Variants in ATRNL1 observed in about 807,000 individuals in gnomAD.
The protein encoded by ATRNL1 is attractin like 1.
A neutral mutation model predicts 182.7 loss-of-function variants in ATRNL1; 95 were observed. The ratio of observed to expected loss-of-function variants is 0.52; its 90% CI spans 0.44 to 0.62. The LOEUF is 0.62. Ranked by LOEUF, ATRNL1 falls within the 20% of genes least tolerant of loss-of-function variation. The pLI, the probability that ATRNL1 is intolerant of heterozygous loss-of-function variation, is 0.00. For missense variants in ATRNL1, 1,471 were observed against 1,679.5 expected, an observed-to-expected ratio of 0.88 and a Z score of 2.17; for synonymous variants, 576 against 568.3, an observed-to-expected ratio of 1.01 and a Z score of -0.19.
intron 26 of ATRNL1, among the ~76,000 whole-genome samples, chr10:115,666,689 TCC>T (rs1861019114): frequency 6.6e-6 from 1 of 152,086 alleles, no homozygotes; most frequent in African/African-American, 2.4e-5. Context: ...AAAATCTAGT[TCC>T]CCAGTCATAC....
At chr10:115,649,788 T>G (rs1219944309) in intron 26 of ATRNL1, among the ~76,000 whole-genome samples, 1 of 152,174 alleles carries the variant, frequency 6.6e-6, no homozygotes, top group Non-Finnish European at 1.5e-5. Flanking sequence ...TGCATTAAGG[T>G]CAAATTTAAA....
intron 26 of ATRNL1, among the ~76,000 whole-genome samples, chr10:115,681,297 A>T (rs1320238661): frequency 1.3e-5 from 2 of 152,184 alleles, no homozygotes; most frequent in African/African-American, 4.8e-5. Context: ...ATACAGAGTA[A>T]GTATTGGACA....
chr10:115,773,941 G>T (rs1555077148), intron 27 of ATRNL1, among the ~76,000 whole-genome samples: 1 of 152,048 alleles, frequency 6.6e-6, no homozygotes, highest in African/African-American at 2.4e-5. Flanking sequence ...GATTTATGAG[G>T]TTACACATTA....
At chr10:115,590,816 C>T (rs1855853821) in intron 26 of ATRNL1, among the ~76,000 whole-genome samples, 2 of 152,128 alleles carry the variant, frequency 1.3e-5, no homozygotes, top group Admixed American at 1.3e-4. Flanking sequence ...ATATAGTAGT[C>T]CCTGAATACT....
chr10:115,105,342 G>C (rs1554865640), intron 1 of ATRNL1, among the ~76,000 whole-genome samples: 3 of 152,180 alleles, frequency 2.0e-5, no homozygotes, highest in African/African-American at 7.2e-5. Context: ...TGACTTGGGT[G>C]CTGTTAAAGG....
Position 115,639,796 on chromosome 10 carries a change from G to GT in ATRNL1, c.3796-87443dup, listed in dbSNP as rs200169974. On this transcript the variant is annotated intron_variant, in intron 26 of 28. Coordinates refer to ENST00000355044, the MANE Select transcript of ATRNL1 (RefSeq NM_207303.4). Reference sequence around the variant, plus strand: ...AGGGATAAAATGATGAAAATGAGGGGTTTTTTTTTCAATTTTTTTGATTAT... The same window carrying GT: ...AGGGATAAAATGATGAAAATGAGGGGTTTTTTTTTTCAATTTTTTTGATTAT... Among the ~76,000 whole-genome samples, 691 of 149,116 alleles carry GT rather than the reference G, an allele frequency of 4.6e-3. 4 individuals are homozygous for GT. The highest frequency in any genetic ancestry group is 0.015 in the African/African-American group (607 of 40,158).
intron 19 of ATRNL1, among the ~76,000 whole-genome samples, chr10:115,351,815 A>C (rs1286207833): frequency 1.3e-5 from 2 of 151,026 alleles, no homozygotes; most frequent in Non-Finnish European, 3.0e-5. Flanking sequence ...TTTTGGTATC[A>C]GGATAATGCT....
chr10:115,840,180 G>A (rs781925039), intron 27 of ATRNL1, among the ~76,000 whole-genome samples: 1 of 152,112 alleles, frequency 6.6e-6, no homozygotes, highest in East Asian at 1.9e-4. Context: ...CAGGCTTTCC[G>A]GGGCAGTGTT....
At chr10:115,183,749 C>T (rs1211562173) in intron 8 of ATRNL1, among the ~76,000 whole-genome samples, 1 of 151,348 alleles carries the variant, frequency 6.6e-6, no homozygotes, top group Non-Finnish European at 1.5e-5. Context: ...TGGATAGTCT[C>T]AATGCTATGT....
chr10:115,337,860 G>A (rs1554937195), intron 19 of ATRNL1, among the ~76,000 whole-genome samples: 1 of 151,842 alleles, frequency 6.6e-6, no homozygotes, highest in Non-Finnish European at 1.5e-5. Flanking sequence ...TTCCACGGAT[G>A]GGGTGGTGGT....
At chr10:115,511,642 A>T (rs1054160123) in intron 24 of ATRNL1, among the ~76,000 whole-genome samples, 1 of 152,032 alleles carries the variant, frequency 6.6e-6, no homozygotes, top group Admixed American at 6.6e-5. Context: ...TTTGTAGTAA[A>T]TATCAAGCTA....
chr10:115,184,375 AAC>A (rs1439726194), intron 8 of ATRNL1, among the ~76,000 whole-genome samples: 1 of 151,020 alleles, frequency 6.6e-6, no homozygotes, highest in African/African-American at 2.4e-5. Flanking sequence ...CACACACATA[AAC>A]ACACACACAA....
At chr10:115,097,961 A>AAT (rs781924989) in intron 1 of ATRNL1, among the ~76,000 whole-genome samples, 20 of 151,986 alleles carry the variant, frequency 1.3e-4, no homozygotes, top group Middle Eastern at 3.4e-3. Flanking sequence ...ACAAAAAACA[A>AAT]ATATATATAT....
At chr10:115,422,295 C>T (rs1253206880) in intron 20 of ATRNL1, among the ~76,000 whole-genome samples, 1 of 152,004 alleles carries the variant, frequency 6.6e-6, no homozygotes, top group Admixed American at 6.6e-5. Context: ...ACTATGCATC[C>T]CACAAGGATC....
intron 10 of ATRNL1, among the ~76,000 whole-genome samples, chr10:115,259,684 C>T (rs1204082608): frequency 6.6e-6 from 1 of 152,154 alleles, no homozygotes; most frequent in Non-Finnish European, 1.5e-5. Context: ...GCAGAAATCA[C>T]CCATCCTCTG....
At chr10:115,848,696 C>A (rs535222492) in intron 28 of ATRNL1, among the ~76,000 whole-genome samples, 7 of 152,306 alleles carry the variant, frequency 4.6e-5, no homozygotes, top group African/African-American at 1.7e-4. Flanking sequence ...GAATATAAAT[C>A]ATACTTAAAT....
At chr10:115,835,269 C>T (rs556116224) in intron 27 of ATRNL1, among the ~76,000 whole-genome samples, 1 of 152,160 alleles carries the variant, frequency 6.6e-6, no homozygotes, top group Admixed American at 6.5e-5. Context: ...GAAAGGTGAC[C>T]TCTTCCTCTG....
chr10:115,147,247 A>G (rs1379227211), intron 5 of ATRNL1, among the ~76,000 whole-genome samples: 1 of 152,052 alleles, frequency 6.6e-6, no homozygotes, highest in African/African-American at 2.4e-5. Flanking sequence ...TTTTTCATGT[A>G]CCTGTTGGCC....
intron 26 of ATRNL1, among the ~76,000 whole-genome samples, chr10:115,558,611 A>G (rs542261822): frequency 8.0e-4 from 122 of 152,054 alleles, no homozygotes; most frequent in African/African-American, 2.7e-3. Flanking sequence ...AGTTTGTATT[A>G]ATTGGCCTCA....
Sources: gnomAD v4.1 joint callset for allele counts (sites outside exome capture counted in the v4.1 genomes callset) on GRCh38, gnomAD v4.1.1 for gene constraint, MANE v1.5 for transcripts, NCBI Gene and HGNC (gene_info 2026-07-23, HGNC 2026-07-21) for gene names.